Variants in LONRF1 observed in about 807,000 individuals in gnomAD.
The protein encoded by LONRF1 is LON peptidase N-terminal domain and ring finger 1, also known as LON peptidase N-terminal domain and RING finger protein 1.
Under a neutral mutation model 85.8 loss-of-function variants are expected in LONRF1, and 37 were observed. That is an observed-to-expected ratio of 0.43 (90% CI 0.33 to 0.57). The LOEUF is 0.57. Among genes scored for constraint, LONRF1 ranks in the 20% least tolerant of loss-of-function variants. The probability of loss-of-function intolerance (pLI) is 0.04; values close to 1 mark genes in which losing one functional copy is unlikely to be tolerated. For missense variants in LONRF1, 1,036 were observed against 978.0 expected, an observed-to-expected ratio of 1.06 and a Z score of -0.79; for synonymous variants, 517 against 390.1, an observed-to-expected ratio of 1.33 and a Z score of -3.83.
intron 3 of LONRF1, among the ~76,000 whole-genome samples, chr8:12,739,418 T>G (rs1349961660): frequency 6.8e-6 from 1 of 147,318 alleles, no homozygotes; most frequent in East Asian, 2.0e-4. Flanking sequence ...AGTTCTAGAA[T>G]AAGTAACACT....
At chr8:12,736,052 T>C (rs1460783603) in intron 6 of LONRF1, among the ~76,000 whole-genome samples, 3 of 152,178 alleles carry the variant, frequency 2.0e-5, no homozygotes, top group Non-Finnish European at 4.4e-5. Context: ...CTGTTTAGTA[T>C]AATCCCCTCA....
chr8:12,754,224 T>C (rs1353475332), intron 1 of LONRF1: 1 of 153,256 alleles, frequency 6.5e-6, no homozygotes, highest in Admixed American at 6.5e-5. Context: ...AGACGCCGCC[T>C]GCCCGGCCTA....
At chr8:12,752,494 T>C (rs1467460651) in intron 1 of LONRF1, among the ~76,000 whole-genome samples, 3 of 152,146 alleles carry the variant, frequency 2.0e-5, no homozygotes. Context: ...TTGAAAGAAC[T>C]AAAAATGAGG....
intron 8 of LONRF1, among the ~76,000 whole-genome samples, chr8:12,729,639 A>G (rs1185942566): frequency 6.6e-6 from 1 of 152,128 alleles, no homozygotes; most frequent in South Asian, 2.1e-4. Flanking sequence ...AGAATTTATT[A>G]TAAGTAATAT....
In LONRF1 at chr8:12,755,015, C is replaced by T; in HGVS notation, c.406G>A (p.Val136Met). 2 of 1,492,012 alleles carry T rather than the reference C, an allele frequency of 1.3e-6. No homozygotes were observed. The highest frequency in any genetic ancestry group is 2.8e-5 in the East Asian group (1 of 35,394). The allele number at this position is 1,492,012 out of a possible 1,614,324, so 92.4% of individuals were successfully genotyped here. The change falls in exon 1 of 12, where the codon GTG becomes ATG. Residue 136 changes from valine (V) to methionine (M), a missense_variant. Val to Met is a conservative substitution (Grantham distance 21). Transcript: ENST00000398246. ...CGGCAGTAGCTGTGGCCACAGGGCA[C>T]GGTCACCGGCTCGCTCAGGAAGCCC... is the stretch of plus-strand genomic sequence containing the variant. ...CRGFLSEPVTVPCGHSYCRRC... is the reference protein window; with the variant it reads ...CRGFLSEPVTMPCGHSYCRRC...
At chr8:12,744,828 C>A (rs71520502) in intron 1 of LONRF1, among the ~76,000 whole-genome samples, 52 of 152,286 alleles carry the variant, frequency 3.4e-4, no homozygotes, top group African/African-American at 1.1e-3. Context: ...TCTAGTACCT[C>A]CAGCGAGGAG....
chr8:12,751,481 C>T (rs6988764), intron 1 of LONRF1, among the ~76,000 whole-genome samples: 130,216 of 150,344 alleles, frequency 0.87, 56,494 homozygotes, highest in East Asian at 1. Flanking sequence ...TTTTTTGTAT[C>T]TCTAGTAGAT....
At chr8:12,726,605 G>C (rs1798316939) in intron 10 of LONRF1, among the ~76,000 whole-genome samples, 1 of 152,172 alleles carries the variant, frequency 6.6e-6, no homozygotes, top group African/African-American at 2.4e-5. Flanking sequence ...ACACAGGTGG[G>C]AAGATCTAAG....
At chr8:12,738,255 T>C in intron 3 of LONRF1, 111 bp from the exon 4 acceptor site, 1 of 731,842 alleles carries the variant, frequency 1.4e-6, no homozygotes, top group South Asian at 2.4e-5. Context: ...CAGACATTTT[T>C]TTAATGAGCA....
At position 12,731,824 on chromosome 8, in the gene LONRF1, G is replaced by C; in HGVS notation, c.1600C>G (p.Leu534Val). 6.2e-7 allele frequency: 1 copy of C among 1,612,680 alleles called. No homozygotes were observed. The highest frequency in any genetic ancestry group is 8.5e-7 in the Non-Finnish European group (1 of 1,178,920). Reference sequence around the variant, plus strand: ...TACTTCACTATTAATTCTTCCAACAGCTGTGTGACACAGTACCTCCTATCT... The same window carrying C: ...TACTTCACTATTAATTCTTCCAACACCTGTGTGACACAGTACCTCCTATCT... The part of the protein sequence containing the change: ...LADRRYCVTQ[L>V]LEELIVKYLP... The change falls in exon 8 of 12, where the codon CTG (leucine) becomes GTG (valine). Residue 534 changes from leucine (L) to valine (V), a missense_variant. This residue lies in a region of LONRF1 where 265 missense variants were observed against 301.5 expected (regional missense o/e 0.88). Coordinates refer to ENST00000398246, the MANE Select transcript of LONRF1 (RefSeq NM_152271.5).
chr8:12,752,607 C>G (rs1585264736), intron 1 of LONRF1, among the ~76,000 whole-genome samples: 2 of 152,194 alleles, frequency 1.3e-5, no homozygotes, highest in East Asian at 3.9e-4. Context: ...GCAATCTATG[C>G]AACTTGAAAA....
At chr8:12,729,358 A>G (rs1368211955) in intron 8 of LONRF1, 26 bp from the exon 9 acceptor site, 2 of 1,607,508 alleles carry the variant, frequency 1.2e-6, no homozygotes, top group East Asian at 4.5e-5. Flanking sequence ...TTTAATTATT[A>G]GAATTCATAC....
chr8:12,744,789 T>C (rs1436113393), intron 1 of LONRF1, among the ~76,000 whole-genome samples: 1 of 152,138 alleles, frequency 6.6e-6, no homozygotes. Flanking sequence ...CTGGGGTGCT[T>C]CCAATAGCAT....
chr8:12,724,720 T>C (rs1806090465), intron 11 of LONRF1, among the ~76,000 whole-genome samples: 1 of 152,238 alleles, frequency 6.6e-6, no homozygotes, highest in Non-Finnish European at 1.5e-5. Context: ...AAATTTCTTA[T>C]TCAATATTGT....
intron 1 of LONRF1, among the ~76,000 whole-genome samples, chr8:12,748,613 A>T (rs945960313): frequency 6.6e-6 from 1 of 152,190 alleles, no homozygotes; most frequent in Non-Finnish European, 1.5e-5. Context: ...AAATACATAA[A>T]TTAAAAATAG....
chr8:12,755,361 C>T lies in LONRF1; in HGVS notation c.60G>A (p.Ala20=). The part of the protein sequence containing the change: ...SPGGSREMAP[A]PQGRGRFWEV... ...CCCAGAACCGGCCTCGGCCCTGCGG[C>T]GCTGGGGCCATCTCCCGACTCCCTC... The change falls in exon 1 of 12, where the codon GCG becomes GCA. Residue 20 remains alanine (A), a synonymous_variant. Coordinates refer to ENST00000398246, the MANE Select transcript of LONRF1 (RefSeq NM_152271.5). 8.2e-7 allele frequency: 1 copy of T among 1,215,506 alleles called. No individual in the cohort carries two copies. Among genetic ancestry groups the T allele is most frequent in the Non-Finnish European group, 1.0e-6 (1 of 975,070 alleles). 75.3% of individuals were successfully genotyped at this position (1,215,506 alleles called of 1,614,324 possible).
At position 12,755,086 on chromosome 8, in the gene LONRF1, C is replaced by A; in HGVS notation, c.335G>T (p.Gly112Val). Residue 112 changes from glycine to valine, a missense_variant, in exon 1 of 12, where the codon GGC becomes GTC. By Grantham distance (109) the Gly-to-Val change is moderately radical (BLOSUM62 -3). Coordinates refer to ENST00000398246, the MANE Select transcript of LONRF1 (RefSeq NM_152271.5). ...GLGWSAAPVAGADGGAGGLLR... is the reference protein window; with the variant it reads ...GLGWSAAPVAVADGGAGGLLR... ...GAGCCCGCCGGCGCCGCCGTCAGCGCCTGCAACCGGGGCCGCGCTCCAGCC... is the reference window on the plus strand; with the variant it reads ...GAGCCCGCCGGCGCCGCCGTCAGCGACTGCAACCGGGGCCGCGCTCCAGCC... 1 of 1,471,670 alleles carries A rather than the reference C, an allele frequency of 6.8e-7. No individual in the cohort carries two copies. The highest frequency in any genetic ancestry group is 9.0e-7 in the Non-Finnish European group (1 of 1,116,842). 91.2% of individuals were successfully genotyped at this position (1,471,670 alleles called of 1,614,324 possible).
intron 11 of LONRF1, among the ~76,000 whole-genome samples, chr8:12,723,713 T>A (rs148430856): frequency 6.6e-6 from 1 of 152,232 alleles, no homozygotes; most frequent in Non-Finnish European, 1.5e-5. Context: ...TAATGCCAAA[T>A]ATCCTGTGGG....
chr8:12,746,916 G>A lies in LONRF1; in HGVS notation c.722-3634C>T, dbSNP rs551322780. Among the ~76,000 whole-genome samples the A allele has an allele frequency of 4.7e-4, 72 of 152,282 alleles. 1 individual carries two copies. Among genetic ancestry groups the A allele is most frequent in the African/African-American group, 1.7e-3 (71 of 41,560 alleles). ...TAAGTTAATCGGTGCATAGTACTTAGAACAGGGCTTGGTACATTGAAAGCA... is the reference window on the plus strand; with the variant it reads ...TAAGTTAATCGGTGCATAGTACTTAAAACAGGGCTTGGTACATTGAAAGCA... On this transcript the variant is annotated intron_variant, in intron 1 of 11. Transcript: ENST00000398246.
Sources: gnomAD v4.1 joint callset for allele counts (sites outside exome capture counted in the v4.1 genomes callset) on GRCh38, gnomAD v4.1.1 for gene constraint, gnomAD v4.1.1 regional missense constraint, MANE v1.5 for transcripts, NCBI Gene and HGNC (gene_info 2026-07-23, HGNC 2026-07-21) for gene names.